Variants in RAD51B observed in about 807,000 individuals in gnomAD.
RAD51B encodes the protein RAD51 paralog B, also known as DNA repair protein RAD51 homolog 2.
A neutral mutation model predicts 42.2 loss-of-function variants in RAD51B; 38 were observed. That is an observed-to-expected ratio of 0.90 (90% CI 0.70 to 1.18). RAD51B has a LOEUF of 1.18. RAD51B is among the 50% of genes most tolerant of loss of function. RAD51B has a pLI of 0.00. For missense variants in RAD51B, 373 were observed against 400.7 expected, an observed-to-expected ratio of 0.93 and a Z score of 0.59; for synonymous variants, 154 against 145.2, an observed-to-expected ratio of 1.06 and a Z score of -0.43.
At chr14:68,297,175 G>A (rs993528249) in intron 8 of RAD51B, among the ~76,000 whole-genome samples, 1 of 152,164 alleles carries the variant, frequency 6.6e-6, no homozygotes, top group Non-Finnish European at 1.5e-5. Flanking sequence ...AGAATGGTTG[G>A]GACAAATCAG....
downstream of RAD51B, among the ~76,000 whole-genome samples, chr14:68,481,704 G>A (rs1883193678): frequency 6.6e-6 from 1 of 152,134 alleles, no homozygotes; most frequent in African/African-American, 2.4e-5. Flanking sequence ...GATGAAATGT[G>A]GATTTGAACT....
intron 7 of RAD51B, among the ~76,000 whole-genome samples, chr14:67,953,201 G>T (rs1387885522): frequency 6.6e-6 from 1 of 152,156 alleles, no homozygotes; most frequent in Non-Finnish European, 1.5e-5. Context: ...GCTTCATGAA[G>T]GAAGTAGATG....
intron 8 of RAD51B, among the ~76,000 whole-genome samples, chr14:68,311,659 C>T (rs145760094): frequency 9.7e-4 from 147 of 152,226 alleles, no homozygotes; most frequent in Non-Finnish European, 1.6e-3. Context: ...GAGGCCGAGG[C>T]GGGTGGATCA....
rs577678247 is a variant in RAD51B, at chr14:68,435,378, A to G, written c.957+23851A>G. On this transcript the variant is annotated intron_variant, in intron 9 of 10. Coordinates refer to ENST00000471583, the MANE Select transcript of RAD51B (RefSeq NM_133510.4). ...TGACTTCATTCTTTTTTATGGCTGTATATGTACCGCATTTTCTTTATCCAG... is the reference window on the plus strand; with the variant it reads ...TGACTTCATTCTTTTTTATGGCTGTGTATGTACCGCATTTTCTTTATCCAG... Among the ~76,000 whole-genome samples, 9 of 151,970 alleles carry G rather than the reference A, an allele frequency of 5.9e-5. No homozygotes were observed. In the South Asian group the frequency reaches 1.9e-3, roughly 32 times the overall value.
At chr14:68,426,399 A>T (rs1350276444) in intron 9 of RAD51B, among the ~76,000 whole-genome samples, 1 of 152,180 alleles carries the variant, frequency 6.6e-6, no homozygotes, top group African/African-American at 2.4e-5. Flanking sequence ...CTGATGAGGT[A>T]TCAGACAGAA....
rs117510894 is a variant in RAD51B, at chr14:68,300,443, C to G, written c.853+8463C>G. On this transcript the variant is annotated intron_variant, in intron 8 of 10. Transcript: ENST00000471583. Reference sequence around the variant, plus strand: ...CAGGCTGGTCTCAAACTCCTGGCTTCAAGCAATCCTCCTGCCTCTACCTCC... The same window carrying G: ...CAGGCTGGTCTCAAACTCCTGGCTTGAAGCAATCCTCCTGCCTCTACCTCC... Among the ~76,000 whole-genome samples the G allele has an allele frequency of 3.4e-3, 512 of 152,192 alleles. 11 individuals carry two copies. The East Asian group carries it at 0.056, about 17-fold the overall frequency.
At chr14:68,631,868 C>G (rs547139300) in intron 10 of RAD51B, among the ~76,000 whole-genome samples, 1 of 152,210 alleles carries the variant, frequency 6.6e-6, no homozygotes, top group East Asian at 1.9e-4. Context: ...TATTCTTGCT[C>G]TGTCCACACT....
rs137864858 is a variant in RAD51B at position 68,605,202 on chromosome 14, G to A, written c.1037-5804G>A. 5.9e-3 allele frequency among the ~76,000 whole-genome samples: 895 copies of A among 152,254 alleles called. 15 individuals carry two copies. The highest frequency in any genetic ancestry group is 3.5e-3 in the Non-Finnish European group (236 of 68,020). On this transcript the variant is annotated intron_variant, in intron 10 of 10. Coordinates refer to the RAD51B transcript ENST00000487861. ...CAAAATCAAGGTGTCACAGCAGGGC[G>A]GGTTCCTTCTCGATGCACTGAGGGA...
intron 7 of RAD51B, among the ~76,000 whole-genome samples, chr14:68,137,173 G>A (rs1440273788): frequency 2.6e-5 from 4 of 152,176 alleles, no homozygotes; most frequent in Non-Finnish European, 5.9e-5. Context: ...CTAGTCGGGA[G>A]GCTGAGGCAG....
chr14:67,938,153 T>C (rs2045025408), intron 7 of RAD51B, among the ~76,000 whole-genome samples: 1 of 152,250 alleles, frequency 6.6e-6, no homozygotes, highest in Non-Finnish European at 1.5e-5. Context: ...ATAACATTTA[T>C]GTGAATAGTT....
intron 10 of RAD51B, among the ~76,000 whole-genome samples, chr14:68,529,005 T>C (rs764969651): frequency 1.3e-5 from 2 of 152,208 alleles, no homozygotes; most frequent in Non-Finnish European, 2.9e-5. Flanking sequence ...TTTCATCAAA[T>C]ACAGGTTTTC....
At chr14:68,005,207 C>T (rs991132484) in intron 7 of RAD51B, among the ~76,000 whole-genome samples, 2 of 151,956 alleles carry the variant, frequency 1.3e-5, no homozygotes, top group East Asian at 1.9e-4. Flanking sequence ...GTGCATGCCA[C>T]CACGCCCAGC....
intron 9 of RAD51B, among the ~76,000 whole-genome samples, chr14:68,443,192 G>A (rs2085342487): frequency 6.6e-6 from 1 of 152,198 alleles, no homozygotes; most frequent in South Asian, 2.1e-4. Context: ...TTTGCGGCCA[G>A]CTCTGTGGTT....
intron 7 of RAD51B, among the ~76,000 whole-genome samples, chr14:68,085,400 T>A (rs544524305): frequency 7.2e-5 from 11 of 152,040 alleles, no homozygotes; most frequent in Admixed American, 4.6e-4. Flanking sequence ...TATAGCAACC[T>A]TATGAGCAGC....
intron 8 of RAD51B, among the ~76,000 whole-genome samples, chr14:68,331,692 A>G (rs935981461): frequency 1.3e-5 from 2 of 152,166 alleles, no homozygotes; most frequent in African/African-American, 4.8e-5. Flanking sequence ...TGGAGCCCAC[A>G]TAGTCACTTA....
Position 68,682,998 on chromosome 14 carries a change from C to T in RAD51B, c.*11+32142C>T, listed in dbSNP as rs1000550086. On this transcript the variant is annotated intron_variant, in intron 11 of 11. Coordinates refer to the RAD51B transcript ENST00000488612. The stretch of plus-strand genomic sequence containing the variant: ...AGGAGAAAGCCAGCTCCATTAGTCA[C>T]GCAGCAGCATATCCTGTCACAAAGG... 14 of 982,542 alleles carry T rather than the reference C, an allele frequency of 1.4e-5. No individual in the cohort carries two copies. In the South Asian group the frequency reaches 1.4e-4, roughly 10 times the overall value. The allele number at this position is 982,542 out of a possible 1,614,324, so 60.9% of individuals were successfully genotyped here. A position where few individuals can be genotyped will look rare whatever the true frequency, so the allele number is the denominator to read the frequency against.
At chr14:68,431,146 A>G (rs1336342906) in intron 9 of RAD51B, among the ~76,000 whole-genome samples, 22 of 151,810 alleles carry the variant, frequency 1.4e-4, no homozygotes, top group Non-Finnish European at 1.5e-4. Context: ...TGCTGGATTC[A>G]GTTTGCCAGT....
intron 7 of RAD51B, among the ~76,000 whole-genome samples, chr14:68,246,433 C>T (rs141802771): frequency 1.1e-3 from 164 of 152,218 alleles, no homozygotes; most frequent in Admixed American, 2.9e-3. Context: ...AAGCTGAGCA[C>T]TTTTATGAGA....
At chr14:68,297,303 G>A (rs547097644) in intron 8 of RAD51B, among the ~76,000 whole-genome samples, 1 of 152,310 alleles carries the variant, frequency 6.6e-6, no homozygotes, top group South Asian at 2.1e-4. Context: ...GTTTGAAAAT[G>A]TGGCTCCCTG....
Sources: allele counts gnomAD v4.1 joint callset (sites outside exome capture counted in the v4.1 genomes callset), GRCh38; gene constraint gnomAD v4.1.1; transcripts MANE v1.5; gene names NCBI Gene and HGNC (gene_info 2026-07-23, HGNC 2026-07-21).